RNGTT: variants seen among roughly 807,000 people sequenced by gnomAD.
RNGTT encodes RNA guanylyltransferase and 5'-phosphatase.
Under a neutral mutation model 79.3 loss-of-function variants are expected in RNGTT, and 33 were observed. The observed-to-expected ratio is 0.42, with a 90% CI of 0.32 to 0.56. RNGTT has a LOEUF of 0.56. Among genes scored for constraint, RNGTT ranks in the 20% least tolerant of loss-of-function variants. RNGTT has a pLI of 0.17. For missense variants in RNGTT, 497 were observed against 739.1 expected, an observed-to-expected ratio of 0.67 and a Z score of 3.80; for synonymous variants, 222 against 235.9, an observed-to-expected ratio of 0.94 and a Z score of 0.54.
intron 11 of RNGTT, among the ~76,000 whole-genome samples, chr6:88,843,340 G>A (rs2127899821): frequency 6.6e-6 from 1 of 151,966 alleles, no homozygotes; most frequent in South Asian, 2.1e-4. Flanking sequence ...AACAGTGTTG[G>A]TAATAGCAAA....
Position 88,676,994 on chromosome 6 carries a change from G to A in RNGTT, c.1506+1359C>T, listed in dbSNP as rs115444135. On this transcript the variant is annotated intron_variant, in intron 14 of 15. Transcript: ENST00000369485. ...GTAATAGCCCCAAGCTAGAAACAAC[G>A]CAAATGCCCATCAGCAGGTGAAAGG... Among the ~76,000 whole-genome samples, 642 of 152,222 alleles carry A rather than the reference G, an allele frequency of 4.2e-3. 8 individuals are homozygous for A. Among genetic ancestry groups the A allele is most frequent in the African/African-American group, 0.015 (613 of 41,552 alleles).
At chr6:88,718,594 A>G (rs1776603188) in intron 13 of RNGTT, among the ~76,000 whole-genome samples, 1 of 152,144 alleles carries the variant, frequency 6.6e-6, no homozygotes, top group Admixed American at 6.5e-5. Context: ...ATGAGTTCAT[A>G]TAAGAAAAAA....
At chr6:88,884,619 G>C (rs556971850) in intron 8 of RNGTT, among the ~76,000 whole-genome samples, 1 of 152,156 alleles carries the variant, frequency 6.6e-6, no homozygotes, top group African/African-American at 2.4e-5. Context: ...AATCATAGTA[G>C]AGTTTCACAC....
intron 2 of RNGTT, among the ~76,000 whole-genome samples, chr6:88,931,483 T>C (rs375453611): frequency 3.3e-5 from 5 of 152,280 alleles, no homozygotes; most frequent in African/African-American, 1.2e-4. Context: ...TACCAACCTT[T>C]TTTTGTGGAT....
chr6:88,860,390 CT>C (rs974831911), intron 8 of RNGTT, among the ~76,000 whole-genome samples: 49 of 152,292 alleles, frequency 3.2e-4, no homozygotes, highest in African/African-American at 1.1e-3. Flanking sequence ...TTCCCTACCC[CT>C]AGCAGGCTGG....
At chr6:88,725,923 G>A (rs1388279405) in intron 13 of RNGTT, among the ~76,000 whole-genome samples, 2 of 151,896 alleles carry the variant, frequency 1.3e-5, no homozygotes, top group African/African-American at 4.8e-5. Context: ...GAGAGAAACA[G>A]AGAGAAAGAG....
chr6:88,637,341 G>T (rs976242857), intron 14 of RNGTT, among the ~76,000 whole-genome samples: 1 of 152,040 alleles, frequency 6.6e-6, no homozygotes, highest in Non-Finnish European at 1.5e-5. Flanking sequence ...GGCAGTAAAT[G>T]AAGAAAAATA....
At chr6:88,741,066 C>T (rs1398006620) in intron 13 of RNGTT, among the ~76,000 whole-genome samples, 1 of 152,044 alleles carries the variant, frequency 6.6e-6, no homozygotes, top group African/African-American at 2.4e-5. Context: ...AAAACAGAAT[C>T]ATCATTTGAC....
chr6:88,772,172 C>CT (rs1457729240), intron 12 of RNGTT, among the ~76,000 whole-genome samples: 1 of 149,848 alleles, frequency 6.7e-6, no homozygotes, highest in Non-Finnish European at 1.5e-5. Context: ...GAGTGAAACT[C>CT]TGTCTCAAAA....
intron 11 of RNGTT, among the ~76,000 whole-genome samples, chr6:88,834,722 A>G (rs996935025): frequency 4.6e-5 from 7 of 152,214 alleles, no homozygotes; most frequent in Non-Finnish European, 7.4e-5. Context: ...AAAAATAACA[A>G]GCCTTATGGT....
At chr6:88,932,178 G>T (rs990957247) in intron 2 of RNGTT, among the ~76,000 whole-genome samples, 1 of 152,070 alleles carries the variant, frequency 6.6e-6, no homozygotes, top group Non-Finnish European at 1.5e-5. Context: ...GCTCTAGGAG[G>T]GTCTGCAGTT....
chr6:88,613,633 C>G (rs1242734423), intron 15 of RNGTT, among the ~76,000 whole-genome samples: 1 of 152,158 alleles, frequency 6.6e-6, no homozygotes. Context: ...TTTGATTAAC[C>G]TGTTATCTTG....
chr6:88,672,244 C>T (rs1582309599), intron 14 of RNGTT, among the ~76,000 whole-genome samples: 1 of 143,544 alleles, frequency 7.0e-6, no homozygotes, highest in African/African-American at 3.0e-5. Flanking sequence ...TATATACACA[C>T]ACACACATAT....
chr6:88,930,051 T>C (rs1784456492), intron 2 of RNGTT, among the ~76,000 whole-genome samples: 2 of 148,206 alleles, frequency 1.3e-5, no homozygotes, highest in African/African-American at 5.0e-5. Flanking sequence ...CATATATACA[T>C]ATACATGTAT....
intron 13 of RNGTT, among the ~76,000 whole-genome samples, chr6:88,706,853 A>G (rs1394371644): frequency 6.6e-6 from 1 of 151,754 alleles, no homozygotes; most frequent in Non-Finnish European, 1.5e-5. Context: ...GCAAGAACCT[A>G]TCACACGAAT....
At chr6:88,739,733 A>ATATATATATG (rs1777411620) in intron 13 of RNGTT, among the ~76,000 whole-genome samples, 1 of 17,360 alleles carries the variant, frequency 5.8e-5, no homozygotes, top group Non-Finnish European at 1.4e-4. Flanking sequence ...AATTATATAT[A>ATATATATATG]TATATATATA....
intron 11 of RNGTT, among the ~76,000 whole-genome samples, chr6:88,827,313 G>A (rs1358731904): frequency 1.3e-5 from 2 of 152,162 alleles, no homozygotes; most frequent in African/African-American, 2.4e-5. Context: ...CCCTAGCCAA[G>A]GGAAGCCATG....
intron 14 of RNGTT, among the ~76,000 whole-genome samples, chr6:88,653,327 A>G (rs550401406): frequency 2.4e-4 from 37 of 152,326 alleles, no homozygotes; most frequent in Non-Finnish European, 4.9e-4. Flanking sequence ...TCACCTTAAT[A>G]TAGTGGTATA....
intron 14 of RNGTT, among the ~76,000 whole-genome samples, chr6:88,673,880 T>C (rs1175734051): frequency 6.6e-6 from 1 of 152,216 alleles, no homozygotes; most frequent in African/African-American, 2.4e-5. Context: ...TTTAGTTACT[T>C]CAGCTCTAAT....
Sources: allele counts gnomAD v4.1 joint callset (sites outside exome capture counted in the v4.1 genomes callset), GRCh38; gene constraint gnomAD v4.1.1; transcripts MANE v1.5; gene names NCBI Gene and HGNC (gene_info 2026-07-23, HGNC 2026-07-21).